Variants in OXR1 observed in about 807,000 individuals in gnomAD.
OXR1 encodes the protein oxidation resistance protein 1.
Under a neutral mutation model 104.6 loss-of-function variants are expected in OXR1, and 41 were observed. The observed-to-expected ratio is 0.39, with a 90% confidence interval of 0.31 to 0.51. The LOEUF is 0.51. OXR1 is among the 20% of genes least tolerant of loss of function. The pLI is 0.77. For missense variants in OXR1, 955 were observed against 1,031.9 expected, an observed-to-expected ratio of 0.93 and a Z score of 1.02; for synonymous variants, 348 against 348.4, an observed-to-expected ratio of 1.00 and a Z score of 0.01.
chr8:106,578,500 G>A lies in OXR1; in HGVS notation c.220+59361G>A, dbSNP rs180986117. 1.2e-4 allele frequency among the ~76,000 whole-genome samples: 18 copies of A among 152,126 alleles called. No homozygotes were observed. In the East Asian group the frequency reaches 1.5e-3, roughly 13 times the overall value. ...AGAAGCTATCCAAACTTTAACTTGC[G>A]AGTAAATGAGTTCATATACATAATA... On this transcript the variant is annotated intron_variant, in intron 3 of 16. Coordinates refer to ENST00000517566, the MANE Select transcript of OXR1 (RefSeq NM_001198533.2).
intron 9 of OXR1, among the ~76,000 whole-genome samples, chr8:106,710,336 G>T (rs995337125): frequency 5.9e-5 from 9 of 151,910 alleles, no homozygotes; most frequent in African/African-American, 1.9e-4. Context: ...TTTAGTATGG[G>T]TGTTGAAAAT....
chr8:106,312,859 G>T (rs2130139334), intron 1 of OXR1, among the ~76,000 whole-genome samples: 1 of 152,256 alleles, frequency 6.6e-6, no homozygotes, highest in South Asian at 2.1e-4. Context: ...CTAATAAAGG[G>T]TATCCACATT....
In OXR1 at chr8:106,683,227, TA is replaced by T; in HGVS notation, c.333del (p.Ile111MetfsTer3). The T allele has an allele frequency of 6.3e-7, 1 of 1,595,860 alleles. No individual in the cohort carries two copies. The highest frequency in any genetic ancestry group is 8.6e-7 in the Non-Finnish European group (1 of 1,164,394). On this transcript the variant is annotated frameshift_variant, in exon 5 of 17. Transcript: ENST00000517566. LOFTEE classifies it high-confidence loss of function. ...GAATCAAGGGATTCTTTGAATAGCA[TA>T]GCCCTGAAGTTTGATACAACACCTA... ...TVESRDSLNS[I>X]ALKFDTTPNE...
intron 2 of OXR1, among the ~76,000 whole-genome samples, chr8:106,467,645 C>A (rs1268087597): frequency 6.6e-6 from 1 of 151,806 alleles, no homozygotes; most frequent in East Asian, 1.9e-4. Context: ...TCTCATTAAT[C>A]AAGATTGTTC....
intron 1 of OXR1, among the ~76,000 whole-genome samples, chr8:106,320,440 C>T (rs546533438): frequency 6.6e-6 from 1 of 152,240 alleles, no homozygotes; most frequent in South Asian, 2.1e-4. Flanking sequence ...ATAACTTACC[C>T]TTTAACATTT....
At chr8:106,627,322 T>C (rs149541577) in intron 3 of OXR1, among the ~76,000 whole-genome samples, 6 of 152,254 alleles carry the variant, frequency 3.9e-5, no homozygotes, top group African/African-American at 1.4e-4. Flanking sequence ...TTTAAATGTA[T>C]GCATTTTAAT....
Position 106,724,667 on chromosome 8 carries a change from C to T in OXR1, c.1956+10682C>T, listed in dbSNP as rs541949914. Among the ~76,000 whole-genome samples, 6 of 152,186 alleles carry T rather than the reference C, an allele frequency of 3.9e-5. No individual in the cohort carries two copies. In the East Asian group the frequency reaches 9.7e-4, roughly 24 times the overall value. The stretch of plus-strand genomic sequence containing the variant: ...CAAATACTCCAGGTGATATTGATGC[C>T]GGCTAAAACTTGAAAGCCACTGATT... On this transcript the variant is annotated intron_variant, in intron 11 of 16. Coordinates refer to ENST00000517566, the MANE Select transcript of OXR1 (RefSeq NM_001198533.2).
chr8:106,750,647 T>C (rs1207617915), intron 16 of OXR1, among the ~76,000 whole-genome samples, 159 bp from the exon 17 acceptor site: 2 of 152,106 alleles, frequency 1.3e-5, no homozygotes, highest in Non-Finnish European at 2.9e-5. Context: ...AATTTTTTAA[T>C]GGAATAGGAG....
intron 2 of OXR1, among the ~76,000 whole-genome samples, chr8:106,390,343 AGAG>A (rs951149972): frequency 2.6e-5 from 4 of 152,148 alleles, no homozygotes; most frequent in African/African-American, 9.7e-5. Context: ...TGTCTCTTGG[AGAG>A]GAGGAGAAGG....
intron 1 of OXR1, among the ~76,000 whole-genome samples, chr8:106,288,634 TATTA>T (rs1229150332): frequency 6.7e-6 from 1 of 148,236 alleles, no homozygotes; most frequent in Admixed American, 6.8e-5. Flanking sequence ...ATACATTATA[TATTA>T]ATATATACAC....
intron 3 of OXR1, among the ~76,000 whole-genome samples, chr8:106,637,564 T>G (rs1375654745): frequency 1.3e-5 from 2 of 152,186 alleles, no homozygotes; most frequent in Admixed American, 1.3e-4. Context: ...AGACGGTACA[T>G]TCTTCCAACC....
chr8:106,334,878 A>G (rs529727001), intron 1 of OXR1, among the ~76,000 whole-genome samples: 6 of 152,248 alleles, frequency 3.9e-5, no homozygotes, highest in Admixed American at 1.3e-4. Flanking sequence ...CCATCCTACT[A>G]CTGCTAATAA....
chr8:106,642,248 G>A (rs559450506), intron 3 of OXR1, among the ~76,000 whole-genome samples: 272 of 152,286 alleles, frequency 1.8e-3, no homozygotes, highest in African/African-American at 6.4e-3. Flanking sequence ...ATTTTCCTAT[G>A]TGGTCACAAA....
intron 1 of OXR1, among the ~76,000 whole-genome samples, chr8:106,301,407 G>A (rs1041809047): frequency 6.6e-6 from 1 of 152,118 alleles, no homozygotes; most frequent in African/African-American, 2.4e-5. Context: ...TCAGTCAGTA[G>A]GAAAATAAAA....
At chr8:106,711,275 ATTGTACTATC>A (rs1831659255) in intron 10 of OXR1, among the ~76,000 whole-genome samples, 2 of 152,148 alleles carry the variant, frequency 1.3e-5, no homozygotes, top group African/African-American at 4.8e-5. Context: ...AAAGATGTCT[ATTGTACTATC>A]TTGTCAATTT....
chr8:106,583,403 A>T (rs893937990), intron 3 of OXR1, among the ~76,000 whole-genome samples: 1 of 152,206 alleles, frequency 6.6e-6, no homozygotes, highest in African/African-American at 2.4e-5. Flanking sequence ...AAACTAATAA[A>T]TCAAACCTAT....
chr8:106,473,316 C>A (rs535379751), intron 2 of OXR1, among the ~76,000 whole-genome samples: 2 of 151,804 alleles, frequency 1.3e-5, no homozygotes, highest in African/African-American at 4.8e-5. Flanking sequence ...TCACTGCATC[C>A]TAATGGTAGT....
chr8:106,362,277 C>G (rs780404634), intron 2 of OXR1, among the ~76,000 whole-genome samples: 4 of 152,036 alleles, frequency 2.6e-5, no homozygotes, highest in Non-Finnish European at 5.9e-5. Context: ...TGACCATATC[C>G]ACGTGTTGAT....
rs549244850 is a variant in OXR1, at chr8:106,619,092, T to G, written c.221-60118T>G. Among the ~76,000 whole-genome samples the G allele has an allele frequency of 1.1e-4, 17 of 152,262 alleles. No individual in the cohort carries two copies. The South Asian group carries it at 3.5e-3, about 32-fold the overall frequency. ...GCTCTGCATTATTATTTATTTATAGTTTTGCCTTTCAAAAGAAGTAATTAC... is the reference window on the plus strand; with the variant it reads ...GCTCTGCATTATTATTTATTTATAGGTTTGCCTTTCAAAAGAAGTAATTAC... On this transcript the variant is annotated intron_variant, in intron 3 of 16. Coordinates refer to ENST00000517566, the MANE Select transcript of OXR1 (RefSeq NM_001198533.2).
Sources: allele counts gnomAD v4.1 joint callset (sites outside exome capture counted in the v4.1 genomes callset), GRCh38; gene constraint gnomAD v4.1.1; transcripts MANE v1.5; gene names NCBI Gene and HGNC (gene_info 2026-07-23, HGNC 2026-07-21).